Variants in ABCC4 observed in about 807,000 individuals in gnomAD.
The protein encoded by ABCC4 is ATP-binding cassette sub-family C member 4.
ABCC4 carries 102 observed loss-of-function variants against 168.5 expected under a neutral mutation model. The observed-to-expected ratio is 0.61, with a 90% CI of 0.52 to 0.71. ABCC4 has a LOEUF of 0.71. Among genes scored for constraint, ABCC4 ranks in the 30% least tolerant of loss-of-function variants. ABCC4 has a pLI of 0.00. For synonymous variants in ABCC4, 617 were observed against 590.7 expected (o/e 1.04, Z -0.65); for missense variants, 1,402 against 1,605.8 (o/e 0.87, Z 2.17).
intron 1 of ABCC4, among the ~76,000 whole-genome samples, chr13:95,253,061 C>T (rs1594384446): frequency 6.6e-6 from 1 of 152,186 alleles, no homozygotes; most frequent in South Asian, 2.1e-4. Context: ...TCAGTTTCCA[C>T]TGTTCTTCCT....
chr13:95,207,687 G>T, intron 7 of ABCC4, 113 bp downstream of exon 7: 1 of 1,139,102 alleles, frequency 8.8e-7, no homozygotes, highest in Non-Finnish European at 1.3e-6. Flanking sequence ...GGACTGGGAT[G>T]GATTGTACTG....
chr13:95,201,330 C>G (rs2038618868), intron 8 of ABCC4, among the ~76,000 whole-genome samples: 1 of 152,186 alleles, frequency 6.6e-6, no homozygotes, highest in African/African-American at 2.4e-5. Context: ...TATTGGACCA[C>G]AATTCCCTGA....
intron 19 of ABCC4, among the ~76,000 whole-genome samples, chr13:95,155,930 T>C (rs193128647): frequency 1.3e-5 from 2 of 152,330 alleles, no homozygotes; most frequent in East Asian, 3.9e-4. Context: ...TGTAGAGACC[T>C]GATAAGAATA....
At chr13:95,092,925 T>TA (rs2034481102) in intron 20 of ABCC4, among the ~76,000 whole-genome samples, 1 of 152,000 alleles carries the variant, frequency 6.6e-6, no homozygotes, top group African/African-American at 2.4e-5. Context: ...TTTACACACA[T>TA]AAACTAGAAA....
chr13:95,295,510 T>C (rs1245680407), intron 1 of ABCC4, among the ~76,000 whole-genome samples: 6 of 151,038 alleles, frequency 4.0e-5, no homozygotes, highest in Admixed American at 4.0e-4. Flanking sequence ...ATACAAAAAT[T>C]AGCTGGATGC....
At chr13:95,062,367 T>G (rs2033330037) in intron 26 of ABCC4, among the ~76,000 whole-genome samples, 1 of 152,042 alleles carries the variant, frequency 6.6e-6, no homozygotes, top group Admixed American at 6.6e-5. Flanking sequence ...AATCCACATC[T>G]CCCCATAGAA....
chr13:95,068,479 G>A lies in ABCC4; in HGVS notation c.3210+3183C>T, dbSNP rs188783821. Among the ~76,000 whole-genome samples the A allele has an allele frequency of 2.7e-4, 41 of 152,122 alleles. No homozygotes were observed. In the East Asian group the frequency reaches 7.6e-3, roughly 28 times the overall value. On this transcript the variant is annotated intron_variant, in intron 25 of 30. Transcript: ENST00000645237. ...GGATCCACTAAATATACAAAAATTA[G>A]CCAGGCATGGCAGCGGGTGCCTGTA...
intron 29 of ABCC4, among the ~76,000 whole-genome samples, chr13:95,038,405 A>C (rs2032214803): frequency 6.6e-6 from 1 of 151,522 alleles, no homozygotes; most frequent in African/African-American, 2.4e-5. Flanking sequence ...AGACAGAAGA[A>C]AACACTCAAG....
rs1379103729 is a variant in ABCC4 at position 95,034,739 on chromosome 13, C to T, written c.3736G>A (p.Val1246Ile). 1.2e-6 allele frequency: 2 copies of T among 1,613,954 alleles called. No individual in the cohort carries two copies. The highest frequency in any genetic ancestry group is 1.1e-5 in the South Asian group (1 of 91,050). ...NTIIDSDKIM[V>I]LDSGRLKEYD... ...TCTTTCAGTCTTCCTGAATCTAAAA[C>T]CTGTTAATCAGCAGAAAGAAACCCA... is the stretch of plus-strand genomic sequence containing the variant. Residue 1246 changes from valine (V) to isoleucine (I), a missense_variant and splice_region_variant, in exon 30 of 31, where the codon GTT becomes ATT. By Grantham distance (29) the Val-to-Ile change is conservative. Transcript: ENST00000645237.
Position 95,075,968 on chromosome 13 carries a change from T to C in ABCC4, c.2687-417A>G, listed in dbSNP as rs145103167. ...GAGTACTCACCATACTGAATTACAA[T>C]TAGCCATCTATGTGTCTGTCCCCAC... is the stretch of plus-strand genomic sequence containing the variant. On this transcript the variant is annotated intron_variant, in intron 21 of 30. Transcript: ENST00000645237. Among the ~76,000 whole-genome samples, 432 of 152,312 alleles carry C rather than the reference T, an allele frequency of 2.8e-3. 4 individuals carry two copies. The highest frequency in any genetic ancestry group is 1.0e-2 in the African/African-American group (414 of 41,566).
intron 19 of ABCC4, among the ~76,000 whole-genome samples, chr13:95,157,994 C>T (rs1382534356): frequency 6.6e-6 from 1 of 151,422 alleles, no homozygotes; most frequent in Non-Finnish European, 1.5e-5. Flanking sequence ...ATGGCATGAA[C>T]CCAGGAGGCA....
chr13:95,148,086 C>T (rs573974533), intron 19 of ABCC4, among the ~76,000 whole-genome samples: 3 of 152,240 alleles, frequency 2.0e-5, no homozygotes, highest in African/African-American at 7.2e-5. Flanking sequence ...ATTGTTTCAT[C>T]AAAACTAGCA....
chr13:95,293,422 C>T (rs1464466659), intron 1 of ABCC4, among the ~76,000 whole-genome samples: 1 of 152,036 alleles, frequency 6.6e-6, no homozygotes, highest in Non-Finnish European at 1.5e-5. Context: ...CCAGCACACC[C>T]AACACGGGTT....
At chr13:95,052,598 C>A (rs965395362) in intron 27 of ABCC4, among the ~76,000 whole-genome samples, 1 of 152,162 alleles carries the variant, frequency 6.6e-6, no homozygotes, top group East Asian at 1.9e-4. Context: ...TAAAATTACA[C>A]GTTTGCCAAT....
chr13:95,064,965 T>C (rs1307273224), intron 25 of ABCC4, among the ~76,000 whole-genome samples: 1 of 152,238 alleles, frequency 6.6e-6, no homozygotes, highest in African/African-American at 2.4e-5. Flanking sequence ...TGCTTTACAA[T>C]TGACCCTTTT....
intron 1 of ABCC4, among the ~76,000 whole-genome samples, chr13:95,270,590 G>A (rs974845071): frequency 3.2e-4 from 48 of 152,212 alleles, no homozygotes; most frequent in Admixed American, 2.9e-3. Flanking sequence ...GCAGCCCAGC[G>A]TCAACCAAGC....
chr13:95,170,601 C>T lies in ABCC4; in HGVS notation c.1755G>A (p.Lys585=). 6.2e-7 allele frequency: 1 copy of T among 1,611,842 alleles called. No individual in the cohort carries two copies. Among genetic ancestry groups the T allele is most frequent in the Non-Finnish European group, 8.5e-7 (1 of 1,179,478 alleles). Residue 585 remains lysine, a synonymous_variant, in exon 14 of 31, where the codon AAG becomes AAA. Coordinates refer to ENST00000645237, the MANE Select transcript of ABCC4 (RefSeq NM_005845.5). ...ELCICQILHE[K]ITILVTHQLQ... is the part of the protein sequence containing the mutation. ...ACTGATGAGTCACTAAAATTGTGAT[C>T]TTCTCATGCAAAATTTGACAAATAC...
At chr13:95,118,606 A>G (rs2035458256) in intron 19 of ABCC4, among the ~76,000 whole-genome samples, 1 of 152,324 alleles carries the variant, frequency 6.6e-6, no homozygotes, top group South Asian at 2.1e-4. Flanking sequence ...TCAAGTTCAC[A>G]GTCTCACAGT....
chr13:95,279,526 C>G (rs992297292), intron 1 of ABCC4, among the ~76,000 whole-genome samples: 2 of 152,164 alleles, frequency 1.3e-5, no homozygotes, highest in Non-Finnish European at 2.9e-5. Flanking sequence ...AAGTCTCAAC[C>G]GGTCCTAGAG....
Sources: gnomAD v4.1 joint callset for allele counts (sites outside exome capture counted in the v4.1 genomes callset) on GRCh38, gnomAD v4.1.1 for gene constraint, MANE v1.5 for transcripts, NCBI Gene and HGNC (gene_info 2026-07-23, HGNC 2026-07-21) for gene names.